The following FHIT variants were observed in gnomAD, a reference collection of about 807,000 sequenced individuals.
FHIT encodes bis(5'-adenosyl)-triphosphatase.
In FHIT, 19 loss-of-function variants were observed where a neutral mutation model predicts 17.9. That is an observed-to-expected ratio of 1.06 (90% confidence interval 0.74 to 1.56). The LOEUF (loss-of-function observed/expected upper bound fraction) is 1.56. Among genes scored for constraint, FHIT ranks in the 40% most tolerant of loss-of-function variants. The pLI, the probability that FHIT is intolerant of heterozygous loss-of-function variation, is 0.00. For synonymous variants in FHIT, 81 were observed against 69.7 expected (o/e 1.16, Z -0.81); for missense variants, 248 against 189.2 (o/e 1.31, Z -1.82).
chr3:60,120,906 C>T lies in FHIT; in HGVS notation c.104-106754G>A, dbSNP rs534964455. On this transcript the variant is annotated intron_variant, in intron 5 of 9. Transcript: ENST00000492590. ...ACAACTTTACACTGTTATCAGTCTTCACATAGCAGTTCCCAAATTTTGCCT... is the reference window on the plus strand; with the variant it reads ...ACAACTTTACACTGTTATCAGTCTTTACATAGCAGTTCCCAAATTTTGCCT... Among the ~76,000 whole-genome samples the T allele has an allele frequency of 6.3e-4, 95 of 151,966 alleles. 1 individual carries two copies. Among genetic ancestry groups the T allele is most frequent in the Middle Eastern group, 3.4e-3 (1 of 294 alleles).
At chr3:60,878,891 G>A (rs1704818395) in intron 3 of FHIT, among the ~76,000 whole-genome samples, 2 of 152,104 alleles carry the variant, frequency 1.3e-5, no homozygotes, top group South Asian at 4.2e-4. Context: ...GTCTATCATT[G>A]TTGGATATAT....
intron 4 of FHIT, among the ~76,000 whole-genome samples, chr3:60,818,611 A>C (rs1328189378): frequency 6.6e-6 from 1 of 152,172 alleles, no homozygotes; most frequent in African/African-American, 2.4e-5. Context: ...ATGATTTACT[A>C]TCATGAAATG....
chr3:60,083,414 C>T (rs962242547), intron 5 of FHIT, among the ~76,000 whole-genome samples: 2 of 152,042 alleles, frequency 1.3e-5, no homozygotes, highest in African/African-American at 4.8e-5. Context: ...CTTCTTTTTG[C>T]TTAGGATTGC....
intron 8 of FHIT, among the ~76,000 whole-genome samples, chr3:59,796,667 G>T (rs1354263264): frequency 6.6e-6 from 1 of 152,192 alleles, no homozygotes; most frequent in Non-Finnish European, 1.5e-5. Context: ...CACCAGGGAT[G>T]CAAAGGAGGG....
chr3:60,678,055 T>C (rs142010454), intron 4 of FHIT, among the ~76,000 whole-genome samples: 1 of 152,192 alleles, frequency 6.6e-6, no homozygotes, highest in Non-Finnish European at 1.5e-5. Context: ...TTTTCTTGGT[T>C]AGTACAGCCA....
intron 3 of FHIT, among the ~76,000 whole-genome samples, chr3:60,986,777 C>T (rs75229860): frequency 0.021 from 3,196 of 152,246 alleles, 113 homozygotes; most frequent in African/African-American, 0.073. Flanking sequence ...GGAATAGCCG[C>T]TGACAGTTAT....
chr3:60,531,260 G>A (rs1050646538), intron 5 of FHIT, among the ~76,000 whole-genome samples: 5 of 148,762 alleles, frequency 3.4e-5, no homozygotes, highest in African/African-American at 9.9e-5. Context: ...GTACAGGAAG[G>A]TTTGAAAAGA....
intron 5 of FHIT, among the ~76,000 whole-genome samples, chr3:60,106,652 G>A (rs958865016): frequency 6.6e-6 from 1 of 152,178 alleles, no homozygotes; most frequent in Non-Finnish European, 1.5e-5. Context: ...GCCAAGGACA[G>A]TGCTGCTTCC....
chr3:59,952,166 G>A (rs1478556344), intron 7 of FHIT, among the ~76,000 whole-genome samples: 1 of 152,122 alleles, frequency 6.6e-6, no homozygotes, highest in Non-Finnish European at 1.5e-5. Context: ...TCTTGCGGAT[G>A]TTTGAATTTT....
chr3:59,779,845 G>C (rs539560557), intron 8 of FHIT, among the ~76,000 whole-genome samples: 3 of 152,240 alleles, frequency 2.0e-5, no homozygotes, highest in African/African-American at 4.8e-5. Flanking sequence ...ATACATGAGG[G>C]ATAAACAAAT....
intron 5 of FHIT, among the ~76,000 whole-genome samples, chr3:60,339,054 G>A (rs1710383558): frequency 6.6e-6 from 1 of 151,992 alleles, no homozygotes; most frequent in Non-Finnish European, 1.5e-5. Context: ...TGCTATTTCT[G>A]TTATGTATTT....
chr3:61,041,740 C>A (rs1481014410), intron 3 of FHIT, among the ~76,000 whole-genome samples: 2 of 151,126 alleles, frequency 1.3e-5, no homozygotes, highest in Non-Finnish European at 2.9e-5. Context: ...TCCCTCAATG[C>A]CCTTACTTGG....
intron 2 of FHIT, among the ~76,000 whole-genome samples, chr3:61,174,178 G>T (rs2038090536): frequency 6.6e-6 from 1 of 152,218 alleles, no homozygotes; most frequent in African/African-American, 2.4e-5. Flanking sequence ...TTTACATATG[G>T]CTATGCTTTC....
intron 5 of FHIT, among the ~76,000 whole-genome samples, chr3:60,162,204 C>A (rs1700970669): frequency 6.6e-6 from 1 of 152,106 alleles, no homozygotes; most frequent in Admixed American, 6.5e-5. Context: ...TTTTAGGTTT[C>A]CAATAAAGGA....
chr3:60,241,317 G>A (rs1445463271), intron 5 of FHIT, among the ~76,000 whole-genome samples: 1 of 152,032 alleles, frequency 6.6e-6, no homozygotes, highest in Non-Finnish European at 1.5e-5. Flanking sequence ...AATAAGATTG[G>A]ATGTACAGAC....
At chr3:60,626,023 C>T (rs1008970822) in intron 4 of FHIT, among the ~76,000 whole-genome samples, 2 of 152,194 alleles carry the variant, frequency 1.3e-5, no homozygotes, top group African/African-American at 4.8e-5. Flanking sequence ...CTTGGCAGCA[C>T]TTTTGAAAAT....
At chr3:60,657,373 T>A (rs1278029803) in intron 4 of FHIT, among the ~76,000 whole-genome samples, 1 of 152,010 alleles carries the variant, frequency 6.6e-6, no homozygotes, top group Non-Finnish European at 1.5e-5. Flanking sequence ...TGCCAATAGA[T>A]CCCCCTTGGG....
At chr3:60,744,271 A>AAAAAAAAAAAAAAAC (rs2042309303) in intron 4 of FHIT, among the ~76,000 whole-genome samples, 2 of 52,108 alleles carry the variant, frequency 3.8e-5, no homozygotes, top group Non-Finnish European at 6.8e-5. Context: ...AACAAAACAA[A>AAAAAAAAAAAAAAAC]AAAAAAAAAA....
At chr3:61,221,459 C>T (rs78564328) in intron 1 of FHIT, among the ~76,000 whole-genome samples, 11,320 of 152,240 alleles carry the variant, frequency 0.074, 1,085 homozygotes, top group East Asian at 0.4. Flanking sequence ...TGTTTAACTT[C>T]ATTTATTACC....
Sources: allele counts gnomAD v4.1 joint callset (sites outside exome capture counted in the v4.1 genomes callset), GRCh38; gene constraint gnomAD v4.1.1; transcripts MANE v1.5; gene names NCBI Gene and HGNC (gene_info 2026-07-23, HGNC 2026-07-21).